ARL13B: variants seen among roughly 807,000 people sequenced by gnomAD.
The protein encoded by ARL13B is ADP-ribosylation factor-like protein 13B.
ARL13B carries 36 observed loss-of-function variants against 56.1 expected under a neutral mutation model. The ratio of observed to expected loss-of-function variants is 0.64; its 90% CI spans 0.49 to 0.85. The LOEUF (loss-of-function observed/expected upper bound fraction) is 0.85. Among genes scored for constraint, ARL13B ranks in the 40% least tolerant of loss-of-function variants. The probability of loss-of-function intolerance (pLI) is 0.00; values close to 1 mark genes in which losing one functional copy is unlikely to be tolerated. For synonymous variants in ARL13B, 178 were observed against 171.1 expected, an observed-to-expected ratio of 1.04 and a Z score of -0.32; for missense variants, 519 against 507.1, an observed-to-expected ratio of 1.02 and a Z score of -0.23.
intron 5 of ARL13B, among the ~76,000 whole-genome samples, chr3:94,038,318 A>G (rs2107127564): frequency 6.6e-6 from 1 of 152,276 alleles, no homozygotes; most frequent in African/African-American, 2.4e-5. Context: ...GTCCAAAGTC[A>G]CAGAAGTAGT....
chr3:94,029,194 TA>T (rs1409319107), intron 3 of ARL13B, among the ~76,000 whole-genome samples: 3 of 149,810 alleles, frequency 2.0e-5, no homozygotes, highest in Non-Finnish European at 4.4e-5. Context: ...TAGGAAGAAT[TA>T]AAAATGAAAA....
chr3:94,034,665 C>T (rs570866979), intron 3 of ARL13B, among the ~76,000 whole-genome samples: 1 of 152,198 alleles, frequency 6.6e-6, no homozygotes, highest in South Asian at 2.1e-4. Context: ...GCATTTAAAA[C>T]ATTACAGTTT....
At chr3:94,030,535 A>G (rs1576016355) in intron 3 of ARL13B, among the ~76,000 whole-genome samples, 2 of 152,094 alleles carry the variant, frequency 1.3e-5, no homozygotes, top group South Asian at 4.2e-4. Flanking sequence ...TCCAGCCGAT[A>G]TAAATATTTT....
intron 3 of ARL13B, among the ~76,000 whole-genome samples, chr3:94,034,133 G>A (rs978842067): frequency 2.0e-5 from 3 of 151,936 alleles, no homozygotes; most frequent in Non-Finnish European, 2.9e-5. Flanking sequence ...GTGTGATAGT[G>A]GTATCATGGT....
chr3:94,034,108 T>C (rs1002464499), intron 3 of ARL13B, among the ~76,000 whole-genome samples: 4 of 152,192 alleles, frequency 2.6e-5, no homozygotes, highest in Admixed American at 2.6e-4. Context: ...GAAGACTTAC[T>C]GTTAATTTTG....
At chr3:94,041,840 C>T (rs185612943) in intron 6 of ARL13B, among the ~76,000 whole-genome samples, 171 of 152,168 alleles carry the variant, frequency 1.1e-3, no homozygotes, top group East Asian at 0.011. Flanking sequence ...TTTGGGAGGC[C>T]GAGGTGGTTG....
chr3:94,046,651 A>C (rs76048877), intron 7 of ARL13B, among the ~76,000 whole-genome samples: 1 of 151,206 alleles, frequency 6.6e-6, no homozygotes, highest in Admixed American at 6.6e-5. Context: ...CATGTACAAC[A>C]AAAAAAAAGA....
At chr3:94,018,520 A>T (rs1478533629) in intron 3 of ARL13B, among the ~76,000 whole-genome samples, 1 of 152,098 alleles carries the variant, frequency 6.6e-6, no homozygotes, top group African/African-American at 2.4e-5. Flanking sequence ...GGAAGATTTT[A>T]GACTGAGTCT....
intron 1 of ARL13B, among the ~76,000 whole-genome samples, chr3:93,993,790 T>A (rs1011013044): frequency 6.6e-6 from 1 of 152,194 alleles, no homozygotes. Flanking sequence ...TAAATTCATA[T>A]TTTTCATAGT....
At chr3:94,046,664 C>G (rs1171282457) in intron 7 of ARL13B, among the ~76,000 whole-genome samples, 3 of 151,922 alleles carry the variant, frequency 2.0e-5, no homozygotes, top group East Asian at 1.9e-4. Context: ...AAAAAAGAAT[C>G]CTTGGAATAA....
chr3:94,043,531 A>G (rs1282571019), intron 7 of ARL13B, among the ~76,000 whole-genome samples: 1 of 68,224 alleles, frequency 1.5e-5, no homozygotes, highest in Non-Finnish European at 2.9e-5. Flanking sequence ...AATCCTTGGA[A>G]TAGCCCTCCC....
chr3:94,014,533 C>T, intron 3 of ARL13B: 1 of 1,612,776 alleles, frequency 6.2e-7, no homozygotes, highest in Non-Finnish European at 8.5e-7. Context: ...ATTGTTGATG[C>T]TCTCTCCTTG....
At chr3:94,050,770 A>G in intron 8 of ARL13B, 54 bp from the exon 9 acceptor site, 4 of 1,482,004 alleles carry the variant, frequency 2.7e-6, no homozygotes, top group Non-Finnish European at 1.9e-6. Flanking sequence ...CTCTCAACAG[A>G]CCTAAAGAAA....
intron 3 of ARL13B, among the ~76,000 whole-genome samples, chr3:94,028,039 A>AT (rs1306001040): frequency 6.6e-6 from 1 of 152,158 alleles, no homozygotes; most frequent in African/African-American, 2.4e-5. Flanking sequence ...GTCTGTCTAT[A>AT]AAAGAAATAA....
chr3:93,985,193 A>C lies in ARL13B; in HGVS notation c.59+4711A>C, dbSNP rs1575922264. Among the ~76,000 whole-genome samples the C allele has an allele frequency of 2.0e-5, 3 of 152,240 alleles. No individual in the cohort carries two copies. The South Asian group carries it at 6.2e-4, about 32-fold the overall frequency. On this transcript the variant is annotated intron_variant, in intron 1 of 9. Coordinates refer to ENST00000394222, the MANE Select transcript of ARL13B (RefSeq NM_001174150.2). ...AAAAACTGTTAATCTATTGCAATCT[A>C]TTTAGCTTATAGGGAGCAGCCTTCA...
chr3:94,014,930 TAACTA>T (rs1559985402), intron 3 of ARL13B: 2 of 1,613,634 alleles, frequency 1.2e-6, no homozygotes, highest in South Asian at 2.2e-5. Flanking sequence ...TTAACTTCTT[TAACTA>T]AATCATTCAA....
At chr3:94,042,878 G>T in intron 6 of ARL13B, 137 bp from the exon 7 acceptor site, 1 of 687,918 alleles carries the variant, frequency 1.5e-6, no homozygotes, top group Non-Finnish European at 2.4e-6. Flanking sequence ...ATGTATTCAT[G>T]AAATCATTTT....
At chr3:94,019,527 C>T (rs1427917520) in intron 3 of ARL13B, among the ~76,000 whole-genome samples, 6 of 152,052 alleles carry the variant, frequency 3.9e-5, no homozygotes, top group African/African-American at 7.2e-5. Context: ...TGATTGTTAA[C>T]GATAGTCTCC....
At chr3:93,981,890 GAAAA>G (rs869055576) in intron 1 of ARL13B, among the ~76,000 whole-genome samples, 3 of 105,802 alleles carry the variant, frequency 2.8e-5, no homozygotes, top group African/African-American at 3.3e-5. Flanking sequence ...AAAAAAAAAA[GAAAA>G]AAGTCAAAGA....
Sources: gnomAD v4.1 joint callset for allele counts (sites outside exome capture counted in the v4.1 genomes callset) on GRCh38, gnomAD v4.1.1 for gene constraint, MANE v1.5 for transcripts, NCBI Gene and HGNC (gene_info 2026-07-23, HGNC 2026-07-21) for gene names.